The following MTMR8 variants were observed in gnomAD, a reference collection of about 807,000 sequenced individuals.
MTMR8 encodes the protein phosphatidylinositol-3,5-bisphosphate 3-phosphatase MTMR8.
In MTMR8, 65 loss-of-function variants were observed where a neutral mutation model predicts 39.3. The ratio of observed to expected loss-of-function variants is 1.65; its 90% CI spans 1.35 to 2.03. MTMR8 has a LOEUF of 2.03. MTMR8 is among the 30% of genes most tolerant of loss of function. The pLI is 0.00. For synonymous variants in MTMR8, 245 were observed against 185.2 expected (o/e 1.32, Z -2.62); for missense variants, 777 against 538.9 (o/e 1.44, Z -4.37).
Position 64,269,022 on chromosome X carries a change from G to A in MTMR8, c.1630C>T (p.Pro544Ser). The A allele has an allele frequency of 2.5e-6, 3 of 1,209,413 alleles. No individual in the cohort carries two copies. Among genetic ancestry groups the A allele is most frequent in the Non-Finnish European group, 2.2e-6 (2 of 894,293 alleles). ...GAGCAGGTACAGATCTCTTCTGGTG[G>A]CTCATCACGGACTTTTAGTTTCTGC... ...LEKKLKVRDE[P>S]PEEICTCSQL... The change falls in exon 14 of 14, where the codon CCA (proline) becomes TCA (serine). Residue 544 changes from proline (P) to serine (S), a missense_variant. Transcript: ENST00000374852.
chrX:64,300,569 C>T (rs1298657113), intron 12 of MTMR8, among the ~76,000 whole-genome samples: 1 of 104,924 alleles, frequency 9.5e-6, no homozygotes, highest in Non-Finnish European at 2.0e-5. Context: ...GAATTTAGTC[C>T]ATTTACATTT....
chrX:64,295,534 A>G (rs1200923675), intron 12 of MTMR8, among the ~76,000 whole-genome samples: 1 of 111,523 alleles, frequency 9.0e-6, no homozygotes, highest in Non-Finnish European at 1.9e-5. Context: ...TAACCAGAGA[A>G]TGGGAGAAAA....
At position 64,328,651 on chromosome X, in the gene MTMR8, G is replaced by A. The variant is rs878946243; in HGVS notation, c.1481+121C>T. 10 of 670,929 alleles carry A rather than the reference G, an allele frequency of 1.5e-5. No individual in the cohort carries two copies. In the South Asian group the frequency reaches 6.5e-4, roughly 43 times the overall value. 55.3% of individuals were successfully genotyped at this position (670,929 alleles called of 1,213,427 possible). Reference sequence around the variant, plus strand: ...AGCAGCAATGTATGGGTGATATGAGGACAGAGTATCCTACTCCATAGCCAG... The same window carrying A: ...AGCAGCAATGTATGGGTGATATGAGAACAGAGTATCCTACTCCATAGCCAG... On this transcript the variant is annotated intron_variant, in intron 12 of 13. Coordinates refer to ENST00000374852, the MANE Select transcript of MTMR8 (RefSeq NM_017677.4).
intron 1 of MTMR8, among the ~76,000 whole-genome samples, chrX:64,375,127 A>G (rs977279331): frequency 1.8e-5 from 2 of 109,504 alleles, no homozygotes; most frequent in African/African-American, 6.6e-5. Context: ...TTGGGAGGCC[A>G]AGGCAGGAGA....
chrX:64,354,259 G>A (rs1446165544), intron 4 of MTMR8, among the ~76,000 whole-genome samples: 1 of 109,251 alleles, frequency 9.2e-6, no homozygotes, highest in African/African-American at 3.3e-5. Flanking sequence ...GTATTCAGTA[G>A]CAAAACAGGA....
intron 12 of MTMR8, among the ~76,000 whole-genome samples, chrX:64,303,118 G>GA (rs1445023773): frequency 8.0e-5 from 9 of 112,378 alleles, no homozygotes; most frequent in African/African-American, 2.9e-4. Context: ...AGGAAGGCAG[G>GA]AAAAATTCAG....
At chrX:64,363,907 T>C (rs981037177) in intron 1 of MTMR8, among the ~76,000 whole-genome samples, 1 of 112,133 alleles carries the variant, frequency 8.9e-6, no homozygotes. Flanking sequence ...TTTCCAACAG[T>C]ATAAGCAAAT....
chrX:64,271,146 T>C (rs1183604465), intron 12 of MTMR8, 73 bp from the exon 13 acceptor site: 14 of 1,042,981 alleles, frequency 1.3e-5, no homozygotes, highest in Non-Finnish European at 1.8e-5. Flanking sequence ...GTTTTCCTTG[T>C]GCCAAGAAAA....
At chrX:64,384,417 T>C (rs1263915107) in intron 1 of MTMR8, among the ~76,000 whole-genome samples, 1 of 111,763 alleles carries the variant, frequency 8.9e-6, no homozygotes, top group Non-Finnish European at 1.9e-5. Flanking sequence ...AGACTCTGTG[T>C]GTAGGCTCCA....
chrX:64,322,295 G>A (rs1922671904), intron 12 of MTMR8, among the ~76,000 whole-genome samples: 1 of 110,620 alleles, frequency 9.0e-6, no homozygotes, highest in African/African-American at 3.3e-5. Flanking sequence ...CCATGACAAG[G>A]CCCTGTTTGC....
At chrX:64,343,587 A>G in intron 8 of MTMR8, 24 bp downstream of exon 8, 1 of 1,038,421 alleles carries the variant, frequency 9.6e-7, no homozygotes, top group Non-Finnish European at 1.3e-6. Flanking sequence ...AGTCAGTGCA[A>G]ATTTTAAAAG....
At chrX:64,319,229 A>G (rs1922559600) in intron 12 of MTMR8, among the ~76,000 whole-genome samples, 1 of 112,521 alleles carries the variant, frequency 8.9e-6, no homozygotes, top group South Asian at 3.6e-4. Flanking sequence ...AAACATTTTC[A>G]AATTCTAGAA....
chrX:64,324,750 G>T (rs754626888), intron 12 of MTMR8, among the ~76,000 whole-genome samples: 3 of 96,077 alleles, frequency 3.1e-5, no homozygotes, highest in African/African-American at 8.4e-5. Flanking sequence ...ATCTCCCTTC[G>T]CTGACTCTCT....
chrX:64,268,709 A>G lies in MTMR8; in HGVS notation c.1943T>C (p.Phe648Ser), dbSNP rs776068033. The G allele has an allele frequency of 2.5e-6, 3 of 1,209,548 alleles. No individual in the cohort carries two copies. Among genetic ancestry groups the G allele is most frequent in the South Asian group, 1.8e-5 (1 of 56,789 alleles). ...CCCACAGATTCCTAAGTCTTTGGAG[A>G]AGCCCGTAGCCTCAAAGGTGCACAT... Reference protein sequence around the residue: ...GDMCTFEATGFSKDLGICGAM... With the variant: ...GDMCTFEATGSSKDLGICGAM... The change falls in exon 14 of 14, where the codon TTC (phenylalanine) becomes TCC (serine). Residue 648 changes from phenylalanine to serine, a missense_variant. Coordinates refer to ENST00000374852, the MANE Select transcript of MTMR8 (RefSeq NM_017677.4).
chrX:64,284,700 C>T (rs1388232192), intron 12 of MTMR8, among the ~76,000 whole-genome samples: 5 of 111,226 alleles, frequency 4.5e-5, no homozygotes, highest in East Asian at 2.8e-4. Context: ...ATTTTCAACC[C>T]AGAATTTCAT....
chrX:64,326,180 G>A (rs138942786), intron 12 of MTMR8, among the ~76,000 whole-genome samples: 371 of 111,084 alleles, frequency 3.3e-3, no homozygotes, highest in Admixed American at 5.1e-3. Flanking sequence ...TTGAGTAGGC[G>A]GAGGAAGAGG....
chrX:64,302,175 C>T (rs1170097084), intron 12 of MTMR8, among the ~76,000 whole-genome samples: 1 of 112,615 alleles, frequency 8.9e-6, no homozygotes, highest in Non-Finnish European at 1.9e-5. Context: ...CTCGCTGCTG[C>T]CTTGCAGTTT....
chrX:64,341,795 A>G (rs1322292257), intron 8 of MTMR8, among the ~76,000 whole-genome samples: 4 of 111,975 alleles, frequency 3.6e-5, no homozygotes, highest in African/African-American at 9.7e-5. Context: ...AAGGACATAA[A>G]CATTAAACTA....
At chrX:64,301,117 T>G (rs1420169894) in intron 12 of MTMR8, among the ~76,000 whole-genome samples, 3 of 107,932 alleles carry the variant, frequency 2.8e-5, no homozygotes, top group Non-Finnish European at 5.8e-5. Context: ...AATCTGAACG[T>G]TGGCCTGCCT....
Sources: allele counts gnomAD v4.1 joint callset (sites outside exome capture counted in the v4.1 genomes callset), GRCh38; gene constraint gnomAD v4.1.1; transcripts MANE v1.5; gene names NCBI Gene and HGNC (gene_info 2026-07-23, HGNC 2026-07-21).